The following AFTPH variants were observed in gnomAD, a reference collection of about 807,000 sequenced individuals.
AFTPH encodes aftiphilin protein.
In AFTPH, 7 loss-of-function variants were observed where a neutral mutation model predicts 72.5. The observed-to-expected ratio is 0.10, with a 90% CI of 0.05 to 0.18. AFTPH has a LOEUF of 0.18. AFTPH is among the 10% of genes least tolerant of loss of function. The pLI is 1.00. For synonymous variants in AFTPH, 337 were observed against 370.1 expected (o/e 0.91, Z 1.03); for missense variants, 979 against 1,060.5 (o/e 0.92, Z 1.07).
intron 1 of AFTPH, among the ~76,000 whole-genome samples, chr2:64,534,576 G>A (rs756311383): frequency 2.0e-5 from 3 of 152,138 alleles, no homozygotes; most frequent in Admixed American, 6.5e-5. Flanking sequence ...TTTACACAAA[G>A]CACAGGGCAA....
rs1014600956 is a variant in AFTPH at position 64,569,086 on chromosome 2, T to C, written c.2088-6T>C. On this transcript the variant is annotated splice_polypyrimidine_tract_variant and splice_region_variant and intron_variant, in intron 3 of 8. Coordinates refer to ENST00000238856, the Ensembl canonical transcript of AFTPH. ...GTTGTTGATGGCTTCATCATGGCCTTTGCAGGGAATTGCTAGATGTGTGGA... is the reference window on the plus strand; with the variant it reads ...GTTGTTGATGGCTTCATCATGGCCTCTGCAGGGAATTGCTAGATGTGTGGA... 6.2e-7 allele frequency: 1 copy of C among 1,613,990 alleles called. No homozygotes were observed. The highest frequency in any genetic ancestry group is 8.5e-7 in the Non-Finnish European group (1 of 1,179,908).
intron 1 of AFTPH, among the ~76,000 whole-genome samples, chr2:64,543,807 C>T (rs772773864): frequency 2.0e-5 from 3 of 152,248 alleles, no homozygotes; most frequent in Non-Finnish European, 4.4e-5. Flanking sequence ...CCTTCTCAAG[C>T]CCATCTTGCC....
Position 64,573,726 on chromosome 2 carries a change from C to T in AFTPH, c.2394+658C>T, listed in dbSNP as rs148363954. ...AGGCTGGAGTGCAGTGGTATGATCT[C>T]GGCTCACTATAACCTCTGCCTCCTG... On this transcript the variant is annotated intron_variant, in intron 6 of 8. Coordinates refer to ENST00000238856, the Ensembl canonical transcript of AFTPH. Among the ~76,000 whole-genome samples, 1,041 of 152,010 alleles carry T rather than the reference C, an allele frequency of 6.8e-3. 5 individuals are homozygous for T. Among genetic ancestry groups the T allele is most frequent in the Non-Finnish European group, 1.0e-2 (678 of 67,958 alleles).
exon 9 of AFTPH, chr2:64,591,975 G>A (rs1434004314): frequency 9.3e-6 from 15 of 1,613,908 alleles, no homozygotes; most frequent in Non-Finnish European, 1.3e-5. Flanking sequence ...ATGCCAAGGT[G>A]TTGATGTTCC....
chr2:64,543,881 C>G (rs994677926), intron 1 of AFTPH, among the ~76,000 whole-genome samples: 1 of 152,204 alleles, frequency 6.6e-6, no homozygotes, highest in Non-Finnish European at 1.5e-5. Flanking sequence ...CCATTTCAGA[C>G]TAGAGGTTAG....
At chr2:64,591,600 G>A (rs531636225) in intron 8 of AFTPH, among the ~76,000 whole-genome samples, 59 of 152,288 alleles carry the variant, frequency 3.9e-4, no homozygotes, top group African/African-American at 1.3e-3. Flanking sequence ...CTAGCCTAAT[G>A]TAAAGGCTAG....
chr2:64,541,572 G>C (rs1670255275), intron 1 of AFTPH, among the ~76,000 whole-genome samples: 1 of 152,148 alleles, frequency 6.6e-6, no homozygotes, highest in African/African-American at 2.4e-5. Context: ...TGGTTCAGAA[G>C]AAGGGCTCTT....
At chr2:64,545,931 C>T (rs1670585660) in intron 1 of AFTPH, among the ~76,000 whole-genome samples, 1 of 151,958 alleles carries the variant, frequency 6.6e-6, no homozygotes, top group Non-Finnish European at 1.5e-5. Context: ...CTCACTCTGT[C>T]ACCCAGACTG....
At chr2:64,534,981 TAAG>T (rs1375107302) in intron 1 of AFTPH, among the ~76,000 whole-genome samples, 2 of 152,204 alleles carry the variant, frequency 1.3e-5, no homozygotes, top group Admixed American at 1.3e-4. Context: ...GTTTCATTTT[TAAG>T]AAGAGTATTG....
intron 1 of AFTPH, among the ~76,000 whole-genome samples, chr2:64,531,282 A>G (rs944848175): frequency 6.6e-6 from 1 of 152,132 alleles, no homozygotes; most frequent in Non-Finnish European, 1.5e-5. Flanking sequence ...TAGAGTTATT[A>G]AGTCAGAGGG....
chr2:64,547,213 C>T (rs964438419), intron 1 of AFTPH, among the ~76,000 whole-genome samples: 36 of 152,214 alleles, frequency 2.4e-4, no homozygotes, highest in Admixed American at 1.2e-3. Flanking sequence ...GCGTTTACTT[C>T]TCATGTCTCT....
chr2:64,524,757 C>T (rs1021006109), intron 1 of AFTPH, 145 bp downstream of exon 1: 3 of 354,728 alleles, frequency 8.5e-6, no homozygotes, highest in African/African-American at 4.2e-5. Flanking sequence ...GCTGGCTCTG[C>T]GGGCCTGCGG....
At position 64,586,346 on chromosome 2, in the gene AFTPH, T is replaced by A. The variant is rs114801234; in HGVS notation, c.2579+801T>A. ...TAAAGTGGAACTATTTACCTATTAG[T>A]TGCCTACTTTAAAAGAAGTGTTATA... On this transcript the variant is annotated intron_variant, in intron 8 of 8. Coordinates refer to ENST00000238856, the Ensembl canonical transcript of AFTPH. Among the ~76,000 whole-genome samples, 1,406 of 152,340 alleles carry A rather than the reference T, an allele frequency of 9.2e-3. 28 individuals are homozygous for A. Among genetic ancestry groups the A allele is most frequent in the African/African-American group, 0.032 (1,315 of 41,576 alleles).
chr2:64,572,943 C>T lies in AFTPH; in HGVS notation c.2272-3C>T. On this transcript the variant is annotated splice_polypyrimidine_tract_variant and splice_region_variant and intron_variant, in intron 5 of 8. Transcript: ENST00000238856. ...CCATTAAAGGCTAATATTCCTTTTT[C>T]AGGGTATGTTAGAGCCCACCAAGGA... The T allele has an allele frequency of 6.2e-7, 1 of 1,613,728 alleles. No individual in the cohort carries two copies. The highest frequency in any genetic ancestry group is 8.5e-7 in the Non-Finnish European group (1 of 1,179,822).
At chr2:64,531,455 T>A (rs1004589701) in intron 1 of AFTPH, among the ~76,000 whole-genome samples, 2 of 152,224 alleles carry the variant, frequency 1.3e-5, no homozygotes, top group Non-Finnish European at 2.9e-5. Flanking sequence ...AATGTTTGCA[T>A]AATTTAAAAT....
intron 2 of AFTPH, among the ~76,000 whole-genome samples, chr2:64,563,061 C>A (rs1031725023): frequency 1.3e-5 from 2 of 152,140 alleles, no homozygotes; most frequent in African/African-American, 4.8e-5. Context: ...TTGTGTTGTG[C>A]CCCCACCTAA....
intron 1 of AFTPH, among the ~76,000 whole-genome samples, chr2:64,544,972 A>G (rs889357824): frequency 3.9e-5 from 6 of 152,208 alleles, no homozygotes; most frequent in African/African-American, 1.4e-4. Context: ...ATAATGGAAA[A>G]TAGAGTACCT....
chr2:64,526,764 GT>G (rs1243075963), intron 1 of AFTPH, among the ~76,000 whole-genome samples: 1 of 152,208 alleles, frequency 6.6e-6, no homozygotes, highest in Non-Finnish European at 1.5e-5. Flanking sequence ...CACATGAGCA[GT>G]ATATATGTTG....
chr2:64,558,549 G>A (rs1391693839), intron 2 of AFTPH, among the ~76,000 whole-genome samples: 1 of 152,190 alleles, frequency 6.6e-6, no homozygotes, highest in African/African-American at 2.4e-5. Flanking sequence ...ATCAGTGAGT[G>A]ACATCACTCA....
Sources: allele counts gnomAD v4.1 joint callset (sites outside exome capture counted in the v4.1 genomes callset), GRCh38; gene constraint gnomAD v4.1.1; transcripts MANE v1.5; gene names NCBI Gene and HGNC (gene_info 2026-07-23, HGNC 2026-07-21).